The following DLG2 variants were observed in gnomAD, a reference collection of about 807,000 sequenced individuals.
The protein encoded by DLG2 is disks large homolog 2.
A neutral mutation model predicts 132.5 loss-of-function variants in DLG2; 45 were observed. The observed-to-expected ratio is 0.34, with a 90% CI of 0.27 to 0.44. DLG2 has a LOEUF of 0.44. Among genes scored for constraint, DLG2 ranks in the 20% least tolerant of loss-of-function variants. The pLI, the probability that DLG2 is intolerant of heterozygous loss-of-function variation, is 1.00. For missense variants in DLG2, 1,045 were observed against 1,196.9 expected (o/e 0.87, Z 1.87); for synonymous variants, 424 against 419.6 (o/e 1.01, Z -0.13).
intron 19 of DLG2, among the ~76,000 whole-genome samples, chr11:83,552,195 T>G (rs528972880): frequency 2.0e-5 from 3 of 152,222 alleles, no homozygotes; most frequent in Admixed American, 2.0e-4. Flanking sequence ...AAGTTAAAAA[T>G]AGAGCACGGT....
intron 6 of DLG2, among the ~76,000 whole-genome samples, chr11:84,751,253 A>T (rs77382490): frequency 0.025 from 3,758 of 152,260 alleles, 158 homozygotes; most frequent in African/African-American, 0.087. Flanking sequence ...TGGATCAGAT[A>T]CTGTTCTAAT....
chr11:85,377,352 G>C (rs1680303503), intron 3 of DLG2, among the ~76,000 whole-genome samples: 1 of 152,026 alleles, frequency 6.6e-6, no homozygotes, highest in African/African-American at 2.4e-5. Context: ...GTGAACTTGG[G>C]CAAGTTATGA....
chr11:84,530,052 C>T (rs187469307), intron 7 of DLG2, among the ~76,000 whole-genome samples: 70 of 152,246 alleles, frequency 4.6e-4, no homozygotes, highest in Non-Finnish European at 8.8e-4. Flanking sequence ...AAAGGACTCC[C>T]TAGTCAATAA....
intron 8 of DLG2, among the ~76,000 whole-genome samples, chr11:84,240,105 G>A (rs905952531): frequency 1.3e-5 from 2 of 152,196 alleles, no homozygotes; most frequent in African/African-American, 4.8e-5. Context: ...TTCAGACATT[G>A]CTTTAAACGG....
At chr11:84,699,627 C>G (rs535383412) in intron 6 of DLG2, among the ~76,000 whole-genome samples, 7 of 151,636 alleles carry the variant, frequency 4.6e-5, no homozygotes, top group African/African-American at 1.7e-4. Context: ...GAATCTGGTA[C>G]AGGGAAAGTA....
At chr11:85,268,629 CT>C (rs2077355079) in intron 4 of DLG2, among the ~76,000 whole-genome samples, 1 of 152,190 alleles carries the variant, frequency 6.6e-6, no homozygotes, top group South Asian at 2.1e-4. Context: ...TAGGATGTAA[CT>C]AAACATGGCT....
intron 6 of DLG2, among the ~76,000 whole-genome samples, chr11:85,064,420 G>A (rs920601916): frequency 2.0e-5 from 3 of 151,640 alleles, no homozygotes; most frequent in East Asian, 3.9e-4. Flanking sequence ...TCAGTACGTG[G>A]CAGCAGTAAT....
At chr11:85,274,110 G>A (rs1211249362) in intron 4 of DLG2, among the ~76,000 whole-genome samples, 3 of 88,848 alleles carry the variant, frequency 3.4e-5, no homozygotes, top group African/African-American at 1.1e-4. Context: ...GTCGTGGGGT[G>A]GGTGGAGAGG....
At chr11:83,546,937 T>G (rs7113026) in intron 19 of DLG2, among the ~76,000 whole-genome samples, 100,002 of 151,928 alleles carry the variant, frequency 0.66, 33,425 homozygotes, top group Middle Eastern at 0.75. Flanking sequence ...TGTCATGCCA[T>G]CTATCAAGTG....
intron 6 of DLG2, among the ~76,000 whole-genome samples, chr11:84,897,014 C>G (rs917412024): frequency 1.6e-4 from 24 of 151,758 alleles, no homozygotes; most frequent in African/African-American, 5.8e-4. Flanking sequence ...TACCAACCAA[C>G]CAGCTTAAGA....
intron 7 of DLG2, among the ~76,000 whole-genome samples, chr11:84,254,139 A>G (rs1598427377): frequency 6.6e-6 from 1 of 152,182 alleles, no homozygotes; most frequent in East Asian, 1.9e-4. Context: ...CTCTCTGAAT[A>G]TCACATGTAA....
rs202021284 is a variant in DLG2, at chr11:84,214,222, C to CATAT, written c.573+37012_573+37015dup. Reference sequence around the variant, plus strand: ...ATATATATACATATATATATGAATACATATATACATATATATGAATATATA... The same window carrying CATAT: ...ATATATATACATATATATATGAATACATATATATATACATATATATGAATATATA... On this transcript the variant is annotated intron_variant, in intron 8 of 27. Coordinates refer to ENST00000376104, the MANE Select transcript of DLG2 (RefSeq NM_001142699.3). Among the ~76,000 whole-genome samples the CATAT allele has an allele frequency of 1.7e-3, 224 of 131,052 alleles. 5 individuals are homozygous for CATAT. The highest frequency in any genetic ancestry group is 7.5e-3 in the Middle Eastern group (2 of 266). 86.0% of individuals were successfully genotyped at this position (131,052 alleles called of 152,430 possible).
chr11:84,310,550 T>C (rs887234802), intron 7 of DLG2, among the ~76,000 whole-genome samples: 1 of 152,226 alleles, frequency 6.6e-6, no homozygotes, highest in Non-Finnish European at 1.5e-5. Flanking sequence ...TATGTCAGCA[T>C]CCAGCAATAA....
At chr11:84,729,906 C>T (rs1233170309) in intron 6 of DLG2, among the ~76,000 whole-genome samples, 1 of 151,964 alleles carries the variant, frequency 6.6e-6, no homozygotes, top group Non-Finnish European at 1.5e-5. Context: ...TGAAGAAATG[C>T]CAGCCTATTC....
intron 18 of DLG2, among the ~76,000 whole-genome samples, chr11:83,734,981 T>C (rs1233288213): frequency 6.6e-6 from 1 of 152,174 alleles, no homozygotes; most frequent in African/African-American, 2.4e-5. Flanking sequence ...GAACTTGTTA[T>C]AGGTATTAGC....
At position 83,588,067 on chromosome 11, in the gene DLG2, G is replaced by A. The variant is rs973361174; in HGVS notation, c.1940+45144C>T. Among the ~76,000 whole-genome samples the A allele has an allele frequency of 3.3e-5, 5 of 152,292 alleles. No individual in the cohort carries two copies. The South Asian group carries it at 8.3e-4, about 25-fold the overall frequency. On this transcript the variant is annotated intron_variant, in intron 19 of 27. Transcript: ENST00000376104. ...CAGCGAGGCTAGGGGAGGGGCGCCC[G>A]CCATTGCCCAGGCTTGATTAGGTAA...
chr11:85,380,669 C>T (rs1270934500), intron 3 of DLG2, among the ~76,000 whole-genome samples: 1 of 151,712 alleles, frequency 6.6e-6, no homozygotes, highest in African/African-American at 2.4e-5. Context: ...TCAACAACAA[C>T]AATAAAAAAA....
chr11:84,175,784 G>A (rs2095946868), intron 8 of DLG2, among the ~76,000 whole-genome samples: 1 of 152,000 alleles, frequency 6.6e-6, no homozygotes, highest in Admixed American at 6.6e-5. Flanking sequence ...AAATGCTTCG[G>A]GCTGCTTGTT....
intron 5 of DLG2, among the ~76,000 whole-genome samples, chr11:85,141,072 G>C (rs1418821754): frequency 6.6e-6 from 1 of 151,672 alleles, no homozygotes; most frequent in Non-Finnish European, 1.5e-5. Flanking sequence ...CTTTTCTTCT[G>C]GATAAATACC....
Sources: gnomAD v4.1 joint callset for allele counts (sites outside exome capture counted in the v4.1 genomes callset) on GRCh38, gnomAD v4.1.1 for gene constraint, MANE v1.5 for transcripts, NCBI Gene and HGNC (gene_info 2026-07-23, HGNC 2026-07-21) for gene names.